The following MAPK10 variants were observed in gnomAD, a reference collection of about 807,000 sequenced individuals.
MAPK10 encodes the protein mitogen-activated protein kinase 10, also known as JNK3 alpha protein kinase.
In MAPK10, 25 loss-of-function variants were observed where a neutral mutation model predicts 59.3. The ratio of observed to expected loss-of-function variants is 0.42; its 90% CI spans 0.31 to 0.59. The LOEUF (loss-of-function observed/expected upper bound fraction) is 0.59. Among genes scored for constraint, MAPK10 ranks in the 20% least tolerant of loss-of-function variants. The probability of loss-of-function intolerance (pLI) is 0.15; values close to 1 mark genes in which losing one functional copy is unlikely to be tolerated. For synonymous variants in MAPK10, 190 were observed against 200.5 expected, an observed-to-expected ratio of 0.95 and a Z score of 0.44; for missense variants, 351 against 568.9, an observed-to-expected ratio of 0.62 and a Z score of 3.90.
chr4:86,441,156 T>C (rs1327438979), intron 1 of MAPK10, among the ~76,000 whole-genome samples: 1 of 152,184 alleles, frequency 6.6e-6, no homozygotes, highest in Non-Finnish European at 1.5e-5. Context: ...TTGCCAGATA[T>C]AGGAAATGGG....
chr4:86,347,570 G>A (rs1446700821), intron 2 of MAPK10, among the ~76,000 whole-genome samples: 2 of 152,100 alleles, frequency 1.3e-5, no homozygotes, highest in African/African-American at 2.4e-5. Flanking sequence ...GTCCATTCAG[G>A]CTGCTATAAC....
intron 9 of MAPK10, among the ~76,000 whole-genome samples, chr4:86,086,518 A>G (rs2051899563): frequency 6.6e-6 from 1 of 152,182 alleles, no homozygotes. Context: ...TGTGCCCCAT[A>G]AATATACACA....
chr4:86,586,058 A>G (rs1156849165), intron 1 of MAPK10, among the ~76,000 whole-genome samples: 3 of 152,222 alleles, frequency 2.0e-5, no homozygotes, highest in South Asian at 2.1e-4. Context: ...ATTAGCAGCC[A>G]TGAACCCTAA....
chr4:86,456,829 CCAAA>C (rs1751278101), upstream of MAPK10, among the ~76,000 whole-genome samples: 4 of 152,216 alleles, frequency 2.6e-5, no homozygotes, highest in Admixed American at 1.3e-4. Flanking sequence ...CACTCTAATA[CCAAA>C]ACCAGGAAAG....
At chr4:86,391,222 C>T (rs1313614089) in intron 1 of MAPK10, among the ~76,000 whole-genome samples, 1 of 152,162 alleles carries the variant, frequency 6.6e-6, no homozygotes, top group Non-Finnish European at 1.5e-5. Context: ...ATTTGAAGTT[C>T]TCAAATTTGC....
chr4:86,246,270 A>T (rs2148701285), intron 2 of MAPK10, among the ~76,000 whole-genome samples: 1 of 152,258 alleles, frequency 6.6e-6, no homozygotes, highest in Admixed American at 6.5e-5. Flanking sequence ...TCTCCACTAA[A>T]AACACAAAAA....
chr4:86,538,151 C>CA (rs545981814), intron 1 of MAPK10, among the ~76,000 whole-genome samples: 2 of 146,506 alleles, frequency 1.4e-5, no homozygotes, highest in African/African-American at 2.5e-5. Context: ...TATAATAAAT[C>CA]TTTTTTTTTT....
At chr4:86,359,252 G>GTT (rs150608851) in intron 1 of MAPK10, among the ~76,000 whole-genome samples, 4 of 54,898 alleles carry the variant, frequency 7.3e-5, no homozygotes, top group Non-Finnish European at 1.4e-4. Context: ...GCTGTTTGGT[G>GTT]TTTTTTTTTT....
chr4:86,281,611 C>T (rs1303427242), intron 2 of MAPK10, among the ~76,000 whole-genome samples: 1 of 152,050 alleles, frequency 6.6e-6, no homozygotes, highest in Non-Finnish European at 1.5e-5. Flanking sequence ...ACAGACCACA[C>T]TTTGAACAGG....
At chr4:86,105,263 C>A (rs927664159) in intron 5 of MAPK10, among the ~76,000 whole-genome samples, 1 of 151,980 alleles carries the variant, frequency 6.6e-6, no homozygotes, top group Non-Finnish European at 1.5e-5. Flanking sequence ...CTTATTAATG[C>A]GAAATTTACA....
intron 1 of MAPK10, among the ~76,000 whole-genome samples, chr4:86,449,533 A>G (rs1177597394): frequency 1.3e-5 from 2 of 151,990 alleles, no homozygotes; most frequent in Non-Finnish European, 2.9e-5. Flanking sequence ...GTCAACTTCA[A>G]TGTGATACAT....
intron 1 of MAPK10, among the ~76,000 whole-genome samples, chr4:86,418,567 CTTTTGT>C (rs1173508329): frequency 6.6e-6 from 1 of 152,298 alleles, no homozygotes; most frequent in African/African-American, 2.4e-5. Flanking sequence ...GTTCCTCCTC[CTTTTGT>C]TTTTAACAGT....
At chr4:86,450,067 C>G (rs1012005874) in intron 1 of MAPK10, among the ~76,000 whole-genome samples, 1 of 152,168 alleles carries the variant, frequency 6.6e-6, no homozygotes, top group African/African-American at 2.4e-5. Flanking sequence ...CTAAATTGTG[C>G]CTGAACTCCC....
chr4:86,331,293 A>G (rs1261990052), intron 2 of MAPK10, among the ~76,000 whole-genome samples: 1 of 152,186 alleles, frequency 6.6e-6, no homozygotes, highest in Non-Finnish European at 1.5e-5. Context: ...AAAATTCTGT[A>G]CAAAGTAAAC....
At chr4:86,186,648 G>T (rs1004904065) in intron 3 of MAPK10, among the ~76,000 whole-genome samples, 1 of 152,086 alleles carries the variant, frequency 6.6e-6, no homozygotes, top group African/African-American at 2.4e-5. Context: ...AAGAGAAGGT[G>T]CAATGATAAT....
chr4:86,084,586 TA>T (rs1389937429), intron 9 of MAPK10, among the ~76,000 whole-genome samples: 4 of 152,028 alleles, frequency 2.6e-5, no homozygotes, highest in East Asian at 1.9e-4. Flanking sequence ...AAAACACTGA[TA>T]AAAAAATTGA....
Position 86,067,968 on chromosome 4 carries a change from C to T in MAPK10, c.803-13G>A. Reference sequence around the variant, plus strand: ...CACTGGTCAATATCTGAGAATTGAACAGTTAAGGGAAAAAAGAAGAGCAGA... The same window carrying T: ...CACTGGTCAATATCTGAGAATTGAATAGTTAAGGGAAAAAAGAAGAGCAGA... On this transcript the variant is annotated splice_polypyrimidine_tract_variant and intron_variant, in intron 9 of 13. Coordinates refer to ENST00000641462, the MANE Select transcript of MAPK10 (RefSeq NM_138982.4). The T allele has an allele frequency of 6.4e-7, 1 of 1,574,662 alleles. No individual in the cohort carries two copies. The highest frequency in any genetic ancestry group is 1.4e-5 in the African/African-American group (1 of 73,644).
intron 1 of MAPK10, among the ~76,000 whole-genome samples, chr4:86,534,383 T>C (rs1009101212): frequency 6.6e-6 from 1 of 152,052 alleles, no homozygotes; most frequent in African/African-American, 2.4e-5. Context: ...AACAACTAGA[T>C]GCAATGTGTT....
chr4:86,063,562 C>G (rs1273683746), intron 11 of MAPK10, among the ~76,000 whole-genome samples: 2 of 152,196 alleles, frequency 1.3e-5, no homozygotes, highest in African/African-American at 4.8e-5. Flanking sequence ...AGCAAGCCCC[C>G]CTTGCCCTGC....
Sources: gnomAD v4.1 joint callset for allele counts (sites outside exome capture counted in the v4.1 genomes callset) on GRCh38, gnomAD v4.1.1 for gene constraint, MANE v1.5 for transcripts, NCBI Gene and HGNC (gene_info 2026-07-23, HGNC 2026-07-21) for gene names.